The following STK31 variants were observed in gnomAD, a reference collection of about 807,000 sequenced individuals.
STK31 encodes serine/threonine-protein kinase 31.
Under a neutral mutation model 129.7 loss-of-function variants are expected in STK31, and 89 were observed. That is an observed-to-expected ratio of 0.69 (90% CI 0.58 to 0.82). The LOEUF is 0.82. Ranked by LOEUF, STK31 falls within the 40% of genes least tolerant of loss-of-function variation. STK31 has a pLI of 0.00. For synonymous variants in STK31, 448 were observed against 395.3 expected (o/e 1.13, Z -1.58); for missense variants, 1,187 against 1,176.4 (o/e 1.01, Z -0.13).
chr7:23,784,339 TGA>T (rs1791128890), intron 17 of STK31, among the ~76,000 whole-genome samples: 1 of 152,208 alleles, frequency 6.6e-6, no homozygotes, highest in African/African-American at 2.4e-5. Context: ...TGTAGACATG[TGA>T]GTTTATTCTA....
Position 23,807,660 on chromosome 7 carries a change from G to C in STK31, c.2761-7484G>C, listed in dbSNP as rs934008350. Among the ~76,000 whole-genome samples the C allele has an allele frequency of 9.9e-5, 15 of 151,890 alleles. No individual in the cohort carries two copies. The East Asian group carries it at 2.9e-3, about 29-fold the overall frequency. On this transcript the variant is annotated intron_variant, in intron 22 of 23. Coordinates refer to ENST00000355870, the MANE Select transcript of STK31 (RefSeq NM_031414.5). ...CCCCACCCTTTCTCCTCTTTTTCTA[G>C]GACTCTGATTATACAAATTTTCTGT...
chr7:23,727,212 A>G, intron 4 of STK31, 29 bp from the exon 5 acceptor site: 1 of 1,596,740 alleles, frequency 6.3e-7, no homozygotes. Context: ...TTAAATGCCA[A>G]GTAATTTTGC....
chr7:23,745,338 G>A (rs1477269556), intron 8 of STK31, among the ~76,000 whole-genome samples: 1 of 152,204 alleles, frequency 6.6e-6, no homozygotes. Flanking sequence ...ATTGCGGTAG[G>A]CAGGTGCAGG....
At chr7:23,712,771 T>A (rs1045285195) in intron 3 of STK31, among the ~76,000 whole-genome samples, 1 of 152,164 alleles carries the variant, frequency 6.6e-6, no homozygotes, top group Non-Finnish European at 1.5e-5. Context: ...GGGTGTCAGT[T>A]AGGTAAGGTT....
At chr7:23,821,664 C>A (rs552278452) in intron 23 of STK31, among the ~76,000 whole-genome samples, 10 of 152,192 alleles carry the variant, frequency 6.6e-5, no homozygotes, top group Admixed American at 3.9e-4. Flanking sequence ...AGTATAGTCC[C>A]ATTTGTCTCT....
At chr7:23,806,601 A>G (rs1302356041) in intron 22 of STK31, among the ~76,000 whole-genome samples, 1 of 152,124 alleles carries the variant, frequency 6.6e-6, no homozygotes, top group Non-Finnish European at 1.5e-5. Context: ...ATGTAGGAGG[A>G]TTAAGAGATA....
At position 23,787,994 on chromosome 7, in the gene STK31, C is replaced by A; in HGVS notation, c.2502C>A (p.Val834=). Reference sequence around the variant, plus strand: ...CTTATCTATAGGAAACTTTAAAGGTCATGAAAGGTGTTGCCCAGGGTCTGC... The same window carrying A: ...CTTATCTATAGGAAACTTTAAAGGTAATGAAAGGTGTTGCCCAGGGTCTGC... ...MPLNSEETLK[V]MKGVAQGLHT... The change falls in exon 21 of 24, where the codon GTC becomes GTA. Residue 834 remains valine, a synonymous_variant. Coordinates refer to ENST00000355870, the MANE Select transcript of STK31 (RefSeq NM_031414.5). The A allele has an allele frequency of 6.4e-7, 1 of 1,572,944 alleles. No individual in the cohort carries two copies. The highest frequency in any genetic ancestry group is 1.2e-5 in the South Asian group (1 of 83,198).
At chr7:23,788,541 G>A (rs1791433825) in intron 21 of STK31, among the ~76,000 whole-genome samples, 1 of 151,920 alleles carries the variant, frequency 6.6e-6, no homozygotes, top group Non-Finnish European at 1.5e-5. Context: ...TAGAAACCGG[G>A]GAACCTTGGA....
chr7:23,796,231 A>C (rs1012962093), intron 22 of STK31, among the ~76,000 whole-genome samples: 1 of 152,202 alleles, frequency 6.6e-6, no homozygotes, highest in Admixed American at 6.5e-5. Context: ...CTATGCCTGC[A>C]TGTATATTTA....
intron 4 of STK31, among the ~76,000 whole-genome samples, chr7:23,720,600 G>T (rs139703565): frequency 4.4e-3 from 671 of 152,238 alleles, no homozygotes; most frequent in African/African-American, 0.014. Context: ...AAAATGTAAA[G>T]GGTCCATACA....
At chr7:23,781,179 TCTGTATAATTGA>T (rs1790903255) in intron 15 of STK31, among the ~76,000 whole-genome samples, 1 of 152,194 alleles carries the variant, frequency 6.6e-6, no homozygotes, top group South Asian at 2.1e-4. Flanking sequence ...ACAAGAAAAA[TCTGTATAATTGA>T]TTTTATGTCT....
chr7:23,710,324 GGAAAGTGTGAGGTCA>G lies in STK31; in HGVS notation c.41_50+5del. The G allele has an allele frequency of 1.2e-6, 2 of 1,613,456 alleles. No homozygotes were observed. Among genetic ancestry groups the G allele is most frequent in the Non-Finnish European group, 1.7e-6 (2 of 1,179,950 alleles). Reference sequence around the variant, plus strand: ...GTCACTCTTCTAGAGCTTCCGCAACGGAAAGTGTGAGGTCAGTAGTAGTTTTTGTGGTACGTGCAG... The same window carrying G: ...GTCACTCTTCTAGAGCTTCCGCAACGGTAGTAGTTTTTGTGGTACGTGCAG... On this transcript the variant is annotated splice_donor_variant and splice_donor_region_variant and coding_sequence_variant and intron_variant, in exon 1 of 24. Transcript: ENST00000355870. LOFTEE classifies it high-confidence loss of function.
At chr7:23,826,146 A>G (rs376918409) in intron 23 of STK31, among the ~76,000 whole-genome samples, 4 of 151,926 alleles carry the variant, frequency 2.6e-5, no homozygotes, top group East Asian at 1.9e-4. Context: ...CAATTCCTGG[A>G]TATCCTTGTT....
At chr7:23,730,635 T>G (rs1481488286) in intron 6 of STK31, among the ~76,000 whole-genome samples, 1 of 151,718 alleles carries the variant, frequency 6.6e-6, no homozygotes, top group African/African-American at 2.4e-5. Context: ...TTAAATGACT[T>G]CAAGTCGTGA....
intron 15 of STK31, among the ~76,000 whole-genome samples, chr7:23,779,387 C>G (rs111353204): frequency 0.11 from 16,877 of 152,240 alleles, 1,093 homozygotes; most frequent in East Asian, 0.22. Flanking sequence ...ATCCGCTGCT[C>G]TCTTCAGAGC....
intron 12 of STK31, 30 bp downstream of exon 12, chr7:23,769,204 G>A (rs2128102786): frequency 6.6e-7 from 1 of 1,505,380 alleles, no homozygotes; most frequent in Admixed American, 2.3e-5. Context: ...GGTTGTGTTT[G>A]TAGCATAAAC....
intron 22 of STK31, among the ~76,000 whole-genome samples, chr7:23,806,380 T>C (rs1306295474): frequency 6.6e-6 from 1 of 152,226 alleles, no homozygotes; most frequent in East Asian, 1.9e-4. Flanking sequence ...TTATGTTCCA[T>C]ATGCTGTCCT....
intron 3 of STK31, among the ~76,000 whole-genome samples, chr7:23,715,945 A>G (rs1048641888): frequency 6.6e-6 from 1 of 152,208 alleles, no homozygotes; most frequent in Non-Finnish European, 1.5e-5. Flanking sequence ...GTGGCTCTGT[A>G]TACTCTTCAC....
chr7:23,754,343 A>G lies in STK31; in HGVS notation c.1162A>G (p.Lys388Glu). The part of the protein sequence containing the change: ...RHVDISVRFG[K>E]DLSDAIQVLD... ...TGTCGACATCAGTGTCCGTTTCGGA[A>G]AAGACCTTTCAGATGCTATACAAGT... The change falls in exon 10 of 24, where the codon AAA becomes GAA. Residue 388 changes from lysine (K) to glutamate (E), a missense_variant. Physicochemically the swap from Lys to Glu is moderately conservative, Grantham distance 56. Transcript: ENST00000355870. The G allele has an allele frequency of 6.2e-7, 1 of 1,612,484 alleles. No homozygotes were observed. Among genetic ancestry groups the G allele is most frequent in the Non-Finnish European group, 8.5e-7 (1 of 1,179,654 alleles).
Sources: allele counts gnomAD v4.1 joint callset (sites outside exome capture counted in the v4.1 genomes callset), GRCh38; gene constraint gnomAD v4.1.1; transcripts MANE v1.5; gene names NCBI Gene and HGNC (gene_info 2026-07-23, HGNC 2026-07-21).